TMEM175: variants seen among roughly 807,000 people sequenced by gnomAD.
TMEM175 encodes the protein endosomal/lysosomal proton channel TMEM175.
Under a neutral mutation model 36.5 loss-of-function variants are expected in TMEM175, and 36 were observed. The observed-to-expected ratio is 0.99, with a 90% CI of 0.76 to 1.30. TMEM175 has a LOEUF of 1.30. TMEM175 is among the 50% of genes most tolerant of loss of function. TMEM175 has a pLI of 0.00. For synonymous variants in TMEM175, 339 were observed against 313.4 expected (o/e 1.08, Z -0.86); for missense variants, 705 against 692.8 (o/e 1.02, Z -0.20).
rs759865505 is a variant in TMEM175, at chr4:957,824, C to T, written c.843C>T (p.Cys281=). The part of the protein sequence containing the change: ...IVATLLILDI[C]EDNVPDPKDV... ...AAATGCATCTATTCACTGTTCTCAGCGAAGACAACGTCCCGGACCCCAAGG... is the reference window on the plus strand; with the variant it reads ...AAATGCATCTATTCACTGTTCTCAGTGAAGACAACGTCCCGGACCCCAAGG... Residue 281 remains cysteine (C), a splice_region_variant and synonymous_variant, in exon 11 of 11, where the codon TGC becomes TGT. Coordinates refer to ENST00000264771, the MANE Select transcript of TMEM175 (RefSeq NM_032326.4). 2.2e-5 allele frequency: 36 copies of T among 1,601,604 alleles called. No homozygotes were observed. Among genetic ancestry groups the T allele is most frequent in the African/African-American group, 1.3e-4 (10 of 74,776 alleles).
At position 951,709 on chromosome 4, in the gene TMEM175, C is replaced by T; in HGVS notation, c.370C>T (p.Pro124Ser). 6.2e-7 allele frequency: 1 copy of T among 1,614,178 alleles called. No individual in the cohort carries two copies. The highest frequency in any genetic ancestry group is 8.5e-7 in the Non-Finnish European group (1 of 1,180,010). The change falls in exon 6 of 11, where the codon CCT becomes TCT. Residue 124 changes from proline (P) to serine (S), a missense_variant. Coordinates refer to ENST00000264771, the MANE Select transcript of TMEM175 (RefSeq NM_032326.4). ...CTGCATGATGACCATCACCTTCCTG[C>T]CTTACACGGTGAGCAACACCAGGCC... ...LACMMTITFLPYTFSLMVTFP... is the reference protein window; with the variant it reads ...LACMMTITFLSYTFSLMVTFP...
At chr4:935,630 G>A (rs1726701574) in intron 1 of TMEM175, among the ~76,000 whole-genome samples, 1 of 152,160 alleles carries the variant, frequency 6.6e-6, no homozygotes, top group Admixed American at 6.6e-5. Context: ...AATCACTGAG[G>A]ATATAGGCGA....
At chr4:936,458 G>C (rs1005011575) in intron 1 of TMEM175, among the ~76,000 whole-genome samples, 6 of 152,126 alleles carry the variant, frequency 3.9e-5, no homozygotes, top group African/African-American at 1.2e-4. Flanking sequence ...GATTCTTTGA[G>C]ATTAATAAAA....
chr4:953,337 C>G lies in TMEM175; in HGVS notation c.610C>G (p.Leu204Val). 1 of 1,612,860 alleles carries G rather than the reference C, an allele frequency of 6.2e-7. No homozygotes were observed. The highest frequency in any genetic ancestry group is 8.5e-7 in the Non-Finnish European group (1 of 1,179,320). Residue 204 changes from leucine to valine, a missense_variant, in exon 8 of 11, where the codon CTC (leucine) becomes GTC (valine). Leu to Val is a conservative substitution (Grantham distance 32, BLOSUM62 1). Transcript: ENST00000264771. Reference sequence around the variant, plus strand: ...GTGCTTTGCAGCGGCCATCTTCTCTCTCTTCTTTGTCCCCTTGGTGAGTGC... The same window carrying G: ...GTGCTTTGCAGCGGCCATCTTCTCTGTCTTCTTTGTCCCCTTGGTGAGTGC... ...ALCFAAAIFS[L>V]FFVPLSYLLM...
At position 957,851 on chromosome 4, in the gene TMEM175, T is replaced by C. The variant is rs771425455; in HGVS notation, c.870T>C (p.Asp290=). Residue 290 remains aspartate (D), a synonymous_variant, in exon 11 of 11, where the codon GAT becomes GAC. Coordinates refer to ENST00000264771, the MANE Select transcript of TMEM175 (RefSeq NM_032326.4). Reference sequence around the variant, plus strand: ...AAGACAACGTCCCGGACCCCAAGGATGTGAAGGAGAGGTTCAGCGGCAGCC... The same window carrying C: ...AAGACAACGTCCCGGACCCCAAGGACGTGAAGGAGAGGTTCAGCGGCAGCC... ...ICEDNVPDPK[D]VKERFSGSLV... 8 of 1,611,972 alleles carry C rather than the reference T, an allele frequency of 5.0e-6. No individual in the cohort carries two copies. The highest frequency in any genetic ancestry group is 5.9e-6 in the Non-Finnish European group (7 of 1,179,516).
Position 953,350 on chromosome 4 carries a change from C to T in TMEM175, c.623C>T (p.Pro208Leu). ...AAAIFSLFFV[P>L]LSYLLMVTVI... ...GCCATCTTCTCTCTCTTCTTTGTCC[C>T]CTTGGTGAGTGCTGGGACAGCCCGT... The change falls in exon 8 of 11, where the codon CCC (proline) becomes CTC (leucine). Residue 208 changes from proline to leucine, a missense_variant. Physicochemically the swap from Pro to Leu is moderately conservative, Grantham distance 98. Transcript: ENST00000264771. 6.2e-7 allele frequency: 1 copy of T among 1,611,080 alleles called. No individual in the cohort carries two copies. Among genetic ancestry groups the T allele is most frequent in the South Asian group, 1.1e-5 (1 of 90,538 alleles).
intron 8 of TMEM175, among the ~76,000 whole-genome samples, chr4:954,802 A>G (rs1489597937): frequency 1.3e-5 from 2 of 152,270 alleles, no homozygotes; most frequent in African/African-American, 4.8e-5. Context: ...ATCCTCATCA[A>G]CACCTGCTGT....
chr4:943,622 G>A (rs1194759843), intron 1 of TMEM175, among the ~76,000 whole-genome samples: 2 of 152,210 alleles, frequency 1.3e-5, no homozygotes, highest in South Asian at 2.1e-4. Context: ...CATGCCTGTC[G>A]GTGGGAATGC....
chr4:954,984 T>C (rs1729427619), intron 8 of TMEM175, among the ~76,000 whole-genome samples: 1 of 152,160 alleles, frequency 6.6e-6, no homozygotes, highest in Non-Finnish European at 1.5e-5. Flanking sequence ...GATAGGGAGA[T>C]AGACGATAAA....
chr4:951,640 C>A, intron 5 of TMEM175, 42 bp from the exon 6 acceptor site: 1 of 1,613,766 alleles, frequency 6.2e-7, no homozygotes, highest in Non-Finnish European at 8.5e-7. Flanking sequence ...CTGCCCTTCT[C>A]CCCAGGCCGC....
chr4:941,237 G>A (rs1214013833), intron 1 of TMEM175, among the ~76,000 whole-genome samples: 3 of 150,154 alleles, frequency 2.0e-5, no homozygotes, highest in Admixed American at 6.6e-5. Context: ...TTAGCTGGGT[G>A]TTATGGCAGG....
At chr4:948,381 G>A in intron 3 of TMEM175, 3 of 1,530,736 alleles carry the variant, frequency 2.0e-6, no homozygotes, top group Non-Finnish European at 1.7e-6. Flanking sequence ...GTGGGAGACT[G>A]GGCTCCTAGG....
At chr4:948,596 C>T (rs771283457) in intron 3 of TMEM175, 3 of 1,304,064 alleles carry the variant, frequency 2.3e-6, no homozygotes, top group Non-Finnish European at 3.0e-6. Context: ...CCCACCCCGG[C>T]TGCTCCTGCA....
Position 957,878 on chromosome 4 carries a change from C to T in TMEM175, c.897C>T (p.Leu299=), listed in dbSNP as rs1457908628. The stretch of plus-strand genomic sequence containing the variant: ...TGAAGGAGAGGTTCAGCGGCAGCCT[C>T]GTGGCCGCCCTGAGTGCGACCGGGC... ...KDVKERFSGS[L]VAALSATGPR... The change falls in exon 11 of 11, where the codon CTC becomes CTT. Residue 299 remains leucine, a synonymous_variant. Coordinates refer to ENST00000264771, the MANE Select transcript of TMEM175 (RefSeq NM_032326.4). 93 of 1,612,506 alleles carry T rather than the reference C, an allele frequency of 5.8e-5. No homozygotes were observed. Among genetic ancestry groups the T allele is most frequent in the Non-Finnish European group, 6.9e-5 (82 of 1,179,894 alleles).
At chr4:957,471 C>A (rs535754723) in intron 10 of TMEM175, among the ~76,000 whole-genome samples, 1 of 152,204 alleles carries the variant, frequency 6.6e-6, no homozygotes, top group Non-Finnish European at 1.5e-5. Flanking sequence ...AGGGAACAGA[C>A]CTCGCTGCCC....
At chr4:950,540 G>C (rs1162981390) in intron 4 of TMEM175, 22 bp downstream of exon 4, 1 of 1,568,082 alleles carries the variant, frequency 6.4e-7, no homozygotes, top group Admixed American at 1.7e-5. Context: ...GGCGCTTCCA[G>C]CGGTCCATAG....
Position 950,359 on chromosome 4 carries a change from C to G in TMEM175, c.193-62C>G, listed in dbSNP as rs531683633. 20 of 1,359,532 alleles carry G rather than the reference C, an allele frequency of 1.5e-5. No individual in the cohort carries two copies. The African/African-American group carries it at 2.7e-4, about 18-fold the overall frequency. 84.2% of individuals were successfully genotyped at this position (1,359,532 alleles called of 1,614,324 possible). On this transcript the variant is annotated intron_variant, in intron 3 of 10. Transcript: ENST00000264771. ...CCAGCCCCCCCTCACGGTGCTGTCT[C>G]GACTGCCATTCAGGGACACTCATGT...
Position 957,795 on chromosome 4 carries a change from G to T in TMEM175, c.843-29G>T, listed in dbSNP as rs1230057330. On this transcript the variant is annotated intron_variant, in intron 10 of 10. Coordinates refer to ENST00000264771, the MANE Select transcript of TMEM175 (RefSeq NM_032326.4). ...GGCCTGTGTGGCCACGGCAAGGCCG[G>T]CACAAATGCATCTATTCACTGTTCT... is the stretch of plus-strand genomic sequence containing the variant. 4.5e-6 allele frequency: 7 copies of T among 1,568,706 alleles called. No individual in the cohort carries two copies. In the South Asian group the frequency reaches 8.4e-5, roughly 19 times the overall value.
chr4:949,315 G>C (rs900050411), intron 3 of TMEM175, among the ~76,000 whole-genome samples: 2 of 152,248 alleles, frequency 1.3e-5, no homozygotes, highest in Non-Finnish European at 2.9e-5. Flanking sequence ...GGACTGTGGT[G>C]TTTAGTGCCC....
Sources: allele counts gnomAD v4.1 joint callset (sites outside exome capture counted in the v4.1 genomes callset), GRCh38; gene constraint gnomAD v4.1.1; transcripts MANE v1.5; gene names NCBI Gene and HGNC (gene_info 2026-07-23, HGNC 2026-07-21).